CHST11: variants seen among roughly 807,000 people sequenced by gnomAD.
CHST11 encodes carbohydrate sulfotransferase 11, also known as C4S-1.
A neutral mutation model predicts 30.4 loss-of-function variants in CHST11; 9 were observed. That is an observed-to-expected ratio of 0.30 (90% CI 0.18 to 0.52). The LOEUF (loss-of-function observed/expected upper bound fraction) is 0.52, where lower values mean the gene tolerates loss of function less well. Among genes scored for constraint, CHST11 ranks in the 20% least tolerant of loss-of-function variants. CHST11 has a pLI of 0.97. For missense variants in CHST11, 348 were observed against 460.6 expected, an observed-to-expected ratio of 0.76 and a Z score of 2.24; for synonymous variants, 152 against 187.8, an observed-to-expected ratio of 0.81 and a Z score of 1.56.
intron 1 of CHST11, among the ~76,000 whole-genome samples, chr12:104,560,633 TC>T (rs2136016176): frequency 6.6e-6 from 1 of 152,328 alleles, no homozygotes; most frequent in East Asian, 1.9e-4. Flanking sequence ...GGTTTCTAGT[TC>T]CAGTTCCTCC....
intron 2 of CHST11, among the ~76,000 whole-genome samples, chr12:104,660,316 G>T (rs2039587369): frequency 6.6e-6 from 1 of 152,206 alleles, no homozygotes; most frequent in South Asian, 2.1e-4. Flanking sequence ...AGGGCTACAG[G>T]CTGGGTTTTT....
At chr12:104,534,732 C>T (rs555778585) in intron 1 of CHST11, among the ~76,000 whole-genome samples, 13 of 152,294 alleles carry the variant, frequency 8.5e-5, no homozygotes, top group African/African-American at 1.9e-4. Context: ...AATCTCCAGA[C>T]GGCCAGACTG....
At chr12:104,580,478 A>T (rs1021171621) in intron 1 of CHST11, among the ~76,000 whole-genome samples, 2 of 152,230 alleles carry the variant, frequency 1.3e-5, no homozygotes, top group South Asian at 2.1e-4. Flanking sequence ...CATGGTAGAC[A>T]TGTCGATTAT....
intron 2 of CHST11, among the ~76,000 whole-genome samples, chr12:104,705,747 T>A (rs1039138005): frequency 2.0e-5 from 3 of 149,512 alleles, no homozygotes; most frequent in Admixed American, 2.0e-4. Context: ...ATGGCGAAAC[T>A]CCTTCTCTAC....
At chr12:104,516,005 A>G (rs1462646965) in intron 1 of CHST11, among the ~76,000 whole-genome samples, 3 of 152,236 alleles carry the variant, frequency 2.0e-5, no homozygotes, top group African/African-American at 7.2e-5. Context: ...TTTTATCTTC[A>G]GAACAATAGG....
intron 2 of CHST11, among the ~76,000 whole-genome samples, chr12:104,613,971 A>G (rs1371568656): frequency 6.6e-6 from 1 of 152,228 alleles, no homozygotes; most frequent in Non-Finnish European, 1.5e-5. Context: ...GATCTAATGC[A>G]CAGCTTGATG....
At chr12:104,572,086 C>G (rs2038632362) in intron 1 of CHST11, among the ~76,000 whole-genome samples, 1 of 152,062 alleles carries the variant, frequency 6.6e-6, no homozygotes. Flanking sequence ...GGTGGATAAG[C>G]TTTTTGATGT....
intron 2 of CHST11, among the ~76,000 whole-genome samples, chr12:104,684,708 T>C (rs1403962756): frequency 6.6e-6 from 1 of 152,084 alleles, no homozygotes; most frequent in Non-Finnish European, 1.5e-5. Context: ...CTACCATGCC[T>C]GGCTAATTTT....
chr12:104,661,842 A>G (rs1161843896), intron 2 of CHST11, among the ~76,000 whole-genome samples: 1 of 152,132 alleles, frequency 6.6e-6, no homozygotes, highest in Non-Finnish European at 1.5e-5. Flanking sequence ...ATTTGGATAA[A>G]GTATTCTGGA....
intron 2 of CHST11, among the ~76,000 whole-genome samples, chr12:104,661,543 A>G (rs777095231): frequency 1.2e-4 from 19 of 152,194 alleles, no homozygotes; most frequent in Admixed American, 6.5e-5. Flanking sequence ...GGCGCTGCTG[A>G]ACTCCAGCCT....
intron 2 of CHST11, among the ~76,000 whole-genome samples, chr12:104,756,040 A>C (rs2040472217): frequency 6.6e-6 from 1 of 152,228 alleles, no homozygotes; most frequent in Non-Finnish European, 1.5e-5. Flanking sequence ...CAAGGAGGCA[A>C]CCAAGACACC....
At chr12:104,626,003 CTTGT>C (rs1417550462) in intron 2 of CHST11, among the ~76,000 whole-genome samples, 2 of 152,116 alleles carry the variant, frequency 1.3e-5, no homozygotes, top group African/African-American at 2.4e-5. Flanking sequence ...TCATTGGTGG[CTTGT>C]TTCTTTTCAA....
chr12:104,653,303 T>C (rs2039511637), intron 2 of CHST11, among the ~76,000 whole-genome samples: 1 of 152,190 alleles, frequency 6.6e-6, no homozygotes, highest in South Asian at 2.1e-4. Flanking sequence ...GGCTCCTCCA[T>C]GTTGTAACAT....
intron 1 of CHST11, among the ~76,000 whole-genome samples, chr12:104,547,069 A>G (rs2038357855): frequency 6.6e-6 from 1 of 152,210 alleles, no homozygotes; most frequent in Admixed American, 6.5e-5. Context: ...TCTTGCAAAT[A>G]CTGTTGTTTT....
intron 1 of CHST11, among the ~76,000 whole-genome samples, chr12:104,555,764 T>G (rs1394292465): frequency 6.6e-6 from 1 of 152,274 alleles, no homozygotes; most frequent in Non-Finnish European, 1.5e-5. Flanking sequence ...GAGCCAACTC[T>G]AGGCTCCATT....
chr12:104,541,586 C>T (rs564153913), intron 1 of CHST11, among the ~76,000 whole-genome samples: 1 of 152,244 alleles, frequency 6.6e-6, no homozygotes, highest in South Asian at 2.1e-4. Context: ...TTGGCATCAC[C>T]TCTTTCTTTC....
At chr12:104,506,803 G>A (rs1268029471) in intron 1 of CHST11, among the ~76,000 whole-genome samples, 1 of 152,184 alleles carries the variant, frequency 6.6e-6, no homozygotes, top group East Asian at 1.9e-4. Flanking sequence ...TCTTTGCCAA[G>A]CCATCATTCG....
intron 2 of CHST11, among the ~76,000 whole-genome samples, chr12:104,683,813 A>G (rs566599915): frequency 9.8e-5 from 15 of 152,340 alleles, no homozygotes; most frequent in Admixed American, 5.9e-4. Flanking sequence ...CTGTCGGTGA[A>G]TAAATGAATG....
chr12:104,511,149 C>T (rs1388150217), intron 1 of CHST11, among the ~76,000 whole-genome samples: 1 of 151,632 alleles, frequency 6.6e-6, no homozygotes, highest in East Asian at 1.9e-4. Context: ...GAATCAGTCT[C>T]CACTTTCAGA....
Sources: allele counts gnomAD v4.1 joint callset (sites outside exome capture counted in the v4.1 genomes callset), GRCh38; gene constraint gnomAD v4.1.1; transcripts MANE v1.5; gene names NCBI Gene and HGNC (gene_info 2026-07-23, HGNC 2026-07-21).